Variants in ABR observed in about 807,000 individuals in gnomAD.
The protein encoded by ABR is active breakpoint cluster region-related protein.
Under a neutral mutation model 107.2 loss-of-function variants are expected in ABR, and 35 were observed. That is an observed-to-expected ratio of 0.33 (90% CI 0.25 to 0.43). ABR has a LOEUF of 0.43. Among genes scored for constraint, ABR ranks in the 20% least tolerant of loss-of-function variants. ABR has a pLI of 1.00. For missense variants in ABR, 815 were observed against 1,115.2 expected (o/e 0.73, Z 3.83); for synonymous variants, 498 against 462.0 (o/e 1.08, Z -1.00).
intron 4 of ABR, among the ~76,000 whole-genome samples, chr17:1,087,192 A>G (rs867226846): frequency 1.3e-5 from 2 of 152,240 alleles, no homozygotes; most frequent in Admixed American, 6.5e-5. Flanking sequence ...TGGCTTCCTC[A>G]GGGGCCTCTG....
intron 7 of ABR, 79 bp downstream of exon 7, chr17:1,073,546 T>C: frequency 8.1e-7 from 1 of 1,237,446 alleles, no homozygotes. Context: ...TCTCGGTGAC[T>C]CCAGCACCCT....
intron 10 of ABR, among the ~76,000 whole-genome samples, chr17:1,064,637 C>G (rs1567685167): frequency 8.0e-6 from 1 of 125,668 alleles, no homozygotes; most frequent in Non-Finnish European, 1.7e-5. Flanking sequence ...GTTATGTGAA[C>G]TGAGGGCTAT....
At chr17:1,226,505 A>C (rs969360621) in intron 1 of ABR, among the ~76,000 whole-genome samples, 2 of 104,882 alleles carry the variant, frequency 1.9e-5, no homozygotes, top group African/African-American at 1.1e-4. Flanking sequence ...GTAGGTGTGC[A>C]TGTGTGTGCA....
chr17:1,029,375 G>C (rs140548627), intron 16 of ABR, among the ~76,000 whole-genome samples: 4,549 of 152,128 alleles, frequency 0.03, 125 homozygotes, highest in Middle Eastern at 0.058. Context: ...AGAAACCAGA[G>C]GCCCTGCACT....
chr17:1,064,882 G>C, intron 10 of ABR, among the ~76,000 whole-genome samples: 1 of 129,586 alleles, frequency 7.7e-6, no homozygotes, highest in Non-Finnish European at 1.7e-5. Context: ...TCTAGACACT[G>C]TTGTTATGTG....
intron 1 of ABR, among the ~76,000 whole-genome samples, chr17:1,201,584 T>G (rs757779680): frequency 1.1e-4 from 16 of 152,166 alleles, no homozygotes; most frequent in Non-Finnish European, 4.4e-5. Context: ...CCCGATATTG[T>G]GCGTGGTGTG....
intron 10 of ABR, 137 bp from the exon 11 acceptor site, chr17:1,059,004 C>A: frequency 7.5e-7 from 1 of 1,327,894 alleles, no homozygotes. Context: ...CATCTTGTGG[C>A]AGGAGAGGCG....
intron 1 of ABR, among the ~76,000 whole-genome samples, chr17:1,216,942 A>G (rs1286088404): frequency 6.6e-6 from 1 of 152,140 alleles, no homozygotes; most frequent in Non-Finnish European, 1.5e-5. Flanking sequence ...AGGGGTGTTC[A>G]GGGAGCCCCA....
chr17:1,040,277 G>A (rs991961779), intron 16 of ABR, among the ~76,000 whole-genome samples: 6 of 152,212 alleles, frequency 3.9e-5, no homozygotes, highest in African/African-American at 1.4e-4. Context: ...AAGTGGGGCA[G>A]GGGAGCCCTT....
chr17:1,023,923 G>A (rs1451530372), intron 16 of ABR, among the ~76,000 whole-genome samples: 1 of 151,614 alleles, frequency 6.6e-6, no homozygotes, highest in Non-Finnish European at 1.5e-5. Context: ...TACTCAGGGG[G>A]CTGAGGCAGG....
intron 1 of ABR, among the ~76,000 whole-genome samples, chr17:1,127,513 C>CT (rs1411878255): frequency 6.6e-6 from 1 of 152,162 alleles, no homozygotes; most frequent in Non-Finnish European, 1.5e-5. Flanking sequence ...CGTGAAGGGC[C>CT]TGGCCGTTTG....
intron 1 of ABR, among the ~76,000 whole-genome samples, chr17:1,172,857 G>A (rs2041765588): frequency 6.6e-6 from 1 of 151,980 alleles, no homozygotes; most frequent in Admixed American, 6.6e-5. Flanking sequence ...CCCTATCACA[G>A]CCCCAGAGAT....
intron 1 of ABR, among the ~76,000 whole-genome samples, chr17:1,209,433 C>T (rs916994733): frequency 6.6e-6 from 1 of 152,234 alleles, no homozygotes; most frequent in East Asian, 1.9e-4. Context: ...TGCGCCACCA[C>T]GCCTAGCTAA....
In ABR at chr17:1,005,575, G is replaced by T; in HGVS notation, c.*505C>A. On this transcript the variant is annotated 3_prime_UTR_variant, in exon 23 of 23. Coordinates refer to ENST00000302538, the MANE Select transcript of ABR (RefSeq NM_021962.5). The stretch of plus-strand genomic sequence containing the variant: ...GCGAAGACCAAGGGTGCACATGCAT[G>T]CAGGCAGGCTGGGAAGGAAGAGCGG... 5.1e-6 allele frequency: 1 copy of T among 195,828 alleles called. No homozygotes were observed. Among genetic ancestry groups the T allele is most frequent in the Non-Finnish European group, 1.0e-5 (1 of 96,430 alleles). 12.1% of individuals were successfully genotyped at this position (195,828 alleles called of 1,614,324 possible).
chr17:1,055,932 G>T (rs1388325842), intron 14 of ABR, 103 bp downstream of exon 14: 3 of 1,117,124 alleles, frequency 2.7e-6, no homozygotes, highest in Admixed American at 1.9e-5. Flanking sequence ...GCCTCCAGGG[G>T]AATGCCCCAT....
chr17:1,221,475 G>A lies in ABR; in HGVS notation c.838+7318C>T, dbSNP rs559091293. Among the ~76,000 whole-genome samples, 299 of 152,298 alleles carry A rather than the reference G, an allele frequency of 2.0e-3. 2 individuals carry two copies. The highest frequency in any genetic ancestry group is 8.1e-3 in the South Asian group (39 of 4,816). On this transcript the variant is annotated intron_variant, in intron 1 of 22. Transcript: ENST00000574139. ...AAAGCCTCCATTCCTGATGATCATG[G>A]AGTCACCATACTCTCGGCCGGACTG...
At chr17:1,123,949 AC>A (rs2039470526) in intron 2 of ABR, among the ~76,000 whole-genome samples, 2 of 151,738 alleles carry the variant, frequency 1.3e-5, no homozygotes, top group South Asian at 4.2e-4. Context: ...ACACTGACCA[AC>A]CCCCTCGCCG....
intron 2 of ABR, among the ~76,000 whole-genome samples, chr17:1,117,969 TTATCCCTGAGCCTGAGTTCCTCCCAGCG>T: frequency 9.4e-6 from 1 of 106,352 alleles, no homozygotes; most frequent in Non-Finnish European, 2.0e-5. Flanking sequence ...CTCCCCAGCG[TTATCCCTGAGCCTGAGTTCCTCCCAGCG>T]TTATCCCTGA....
Position 1,010,476 on chromosome 17 carries a change from C to T in ABR, c.2236+253G>A, listed in dbSNP as rs1417973961. On this transcript the variant is annotated intron_variant, in intron 20 of 22. Coordinates refer to ENST00000302538, the MANE Select transcript of ABR (RefSeq NM_021962.5). The surrounding 1 kb of genome is among the most constrained non-coding windows in gnomAD (Gnocchi z 4.1). The stretch of plus-strand genomic sequence containing the variant: ...GAGCTTCCAAGCAAGAGGCCAACGT[C>T]CAAATAGGAAGCAGAAGGGGCTGCC... The T allele has an allele frequency of 3.8e-6, 2 of 521,780 alleles. No individual in the cohort carries two copies. Among genetic ancestry groups the T allele is most frequent in the Non-Finnish European group, 6.9e-6 (2 of 291,736 alleles). 32.3% of individuals were successfully genotyped at this position (521,780 alleles called of 1,614,324 possible).
Sources: allele counts gnomAD v4.1 joint callset (sites outside exome capture counted in the v4.1 genomes callset), GRCh38; gene constraint gnomAD v4.1.1; non-coding constraint Gnocchi (gnomAD v3.1); transcripts MANE v1.5; gene names NCBI Gene and HGNC (gene_info 2026-07-23, HGNC 2026-07-21).